Variants in MBOAT2 observed in about 807,000 individuals in gnomAD.
The protein encoded by MBOAT2 is membrane-bound glycerophospholipid O-acyltransferase 2.
MBOAT2 carries 28 observed loss-of-function variants against 63.4 expected under a neutral mutation model. The ratio of observed to expected loss-of-function variants is 0.44; its 90% CI spans 0.33 to 0.61. The LOEUF (loss-of-function observed/expected upper bound fraction) is 0.61, where lower values mean the gene tolerates loss of function less well. Among genes scored for constraint, MBOAT2 ranks in the 20% least tolerant of loss-of-function variants. The pLI is 0.03. For missense variants in MBOAT2, 470 were observed against 605.8 expected (o/e 0.78, Z 2.35); for synonymous variants, 211 against 215.6 (o/e 0.98, Z 0.19).
At chr2:8,937,067 C>T (rs1188353339) in intron 3 of MBOAT2, among the ~76,000 whole-genome samples, 1 of 152,184 alleles carries the variant, frequency 6.6e-6, no homozygotes, top group Non-Finnish European at 1.5e-5. Context: ...CCCTCATTTC[C>T]ACCCCTCTGC....
intron 7 of MBOAT2, among the ~76,000 whole-genome samples, chr2:8,875,919 T>C (rs1404299731): frequency 6.6e-6 from 1 of 152,238 alleles, no homozygotes; most frequent in Non-Finnish European, 1.5e-5. Context: ...AGAGGTAATA[T>C]ACTATCTTTT....
At chr2:8,926,378 C>T (rs550987695) in intron 3 of MBOAT2, among the ~76,000 whole-genome samples, 10 of 152,238 alleles carry the variant, frequency 6.6e-5, no homozygotes, top group Non-Finnish European at 1.2e-4. Flanking sequence ...AAGTAAAGTA[C>T]GACTCTAGGT....
rs979874093 is a variant in MBOAT2, at chr2:8,855,398, G to C, written c.*3281C>G. The C allele has an allele frequency of 6.6e-6, 1 of 152,206 alleles. No homozygotes were observed. The highest frequency in any genetic ancestry group is 2.4e-5 in the African/African-American group (1 of 41,444). The allele number at this position is 152,206 out of a possible 1,614,324, so 9.4% of individuals were successfully genotyped here. A position where few individuals can be genotyped will look rare whatever the true frequency, so the allele number is the denominator to read the frequency against. ...AAGATCCAGGTCTCCTCCTAGGTCA[G>C]CTAGTGCTTAAATGTGAGTTACTGT... On this transcript the variant is annotated 3_prime_UTR_variant, in exon 13 of 13. Coordinates refer to ENST00000305997, the MANE Select transcript of MBOAT2 (RefSeq NM_138799.4).
At chr2:8,940,510 C>T (rs1236637568) in intron 3 of MBOAT2, among the ~76,000 whole-genome samples, 1 of 152,194 alleles carries the variant, frequency 6.6e-6, no homozygotes, top group African/African-American at 2.4e-5. Context: ...CCAGGCTGGT[C>T]TCAAACTCCT....
At chr2:8,983,161 C>G (rs1206626809) in intron 1 of MBOAT2, among the ~76,000 whole-genome samples, 1 of 152,044 alleles carries the variant, frequency 6.6e-6, no homozygotes. Context: ...GAGCTTGATC[C>G]AAATTATATG....
chr2:8,929,526 T>C (rs1667171596), intron 3 of MBOAT2, among the ~76,000 whole-genome samples: 1 of 152,240 alleles, frequency 6.6e-6, no homozygotes, highest in African/African-American at 2.4e-5. Context: ...TAATCTTTTG[T>C]ATTTTTTGTA....
At chr2:8,929,677 T>TTAA (rs1667184182) in intron 3 of MBOAT2, among the ~76,000 whole-genome samples, 1 of 152,186 alleles carries the variant, frequency 6.6e-6, no homozygotes, top group African/African-American at 2.4e-5. Context: ...ATAGGAGGCA[T>TTAA]CAAACATATG....
intron 1 of MBOAT2, among the ~76,000 whole-genome samples, chr2:8,960,134 G>C (rs1669507747): frequency 6.6e-6 from 1 of 152,072 alleles, no homozygotes; most frequent in Non-Finnish European, 1.5e-5. Context: ...CCTTCTAAAG[G>C]GTTCTAATGG....
intron 3 of MBOAT2, among the ~76,000 whole-genome samples, chr2:8,931,422 A>G (rs1034878143): frequency 1.3e-5 from 2 of 151,976 alleles, no homozygotes; most frequent in African/African-American, 4.8e-5. Flanking sequence ...TCCTTTGCCC[A>G]CTTTTTGATG....
At chr2:8,898,594 A>T (rs1311235081) in intron 4 of MBOAT2, among the ~76,000 whole-genome samples, 1 of 152,046 alleles carries the variant, frequency 6.6e-6, no homozygotes, top group Non-Finnish European at 1.5e-5. Flanking sequence ...GGTGGCCAAA[A>T]GTAAATCATC....
chr2:8,873,476 G>A (rs987917389), intron 7 of MBOAT2, among the ~76,000 whole-genome samples, 176 bp from the exon 8 acceptor site: 30 of 152,088 alleles, frequency 2.0e-4, no homozygotes, highest in African/African-American at 5.3e-4. Context: ...CTCATGGTAT[G>A]AACTTTTCCA....
intron 4 of MBOAT2, among the ~76,000 whole-genome samples, chr2:8,906,969 C>T (rs571961204): frequency 1.9e-4 from 29 of 152,276 alleles, no homozygotes; most frequent in Admixed American, 9.8e-4. Flanking sequence ...TGAGCTCCTC[C>T]GACACCTGCA....
chr2:8,883,473 C>T (rs1457559969), intron 5 of MBOAT2, among the ~76,000 whole-genome samples: 2 of 152,076 alleles, frequency 1.3e-5, no homozygotes, highest in Non-Finnish European at 2.9e-5. Flanking sequence ...GTAAAACACA[C>T]ATTTTATGTA....
At chr2:8,881,041 G>A (rs1174994988) in intron 6 of MBOAT2, among the ~76,000 whole-genome samples, 1 of 152,210 alleles carries the variant, frequency 6.6e-6, no homozygotes, top group Non-Finnish European at 1.5e-5. Context: ...TTCTGTTCAG[G>A]TGGTGGGGAT....
At chr2:8,988,962 T>C (rs1671747172) in intron 1 of MBOAT2, among the ~76,000 whole-genome samples, 1 of 152,204 alleles carries the variant, frequency 6.6e-6, no homozygotes, top group Admixed American at 6.5e-5. Flanking sequence ...TAATCAAACC[T>C]GAAATTAAGT....
chr2:8,918,121 C>T (rs1334308933), intron 3 of MBOAT2, among the ~76,000 whole-genome samples: 1 of 152,182 alleles, frequency 6.6e-6, no homozygotes, highest in Non-Finnish European at 1.5e-5. Context: ...GTGAAATGTG[C>T]TATATCTAGA....
chr2:8,864,157 T>C lies in MBOAT2; in HGVS notation c.1052+13A>G. On this transcript the variant is annotated intron_variant, in intron 10 of 12. Coordinates refer to ENST00000305997, the MANE Select transcript of MBOAT2 (RefSeq NM_138799.4). ...CCAAAGCACATCTAAAGATCGTTTT[T>C]GAAGGAACGCACCTTTTGAGCCAAA... The C allele has an allele frequency of 6.4e-7, 1 of 1,565,394 alleles. No homozygotes were observed. Among genetic ancestry groups the C allele is most frequent in the Non-Finnish European group, 8.6e-7 (1 of 1,159,654 alleles).
intron 1 of MBOAT2, among the ~76,000 whole-genome samples, chr2:8,986,901 C>T (rs1052634271): frequency 9.9e-5 from 15 of 152,194 alleles, no homozygotes; most frequent in African/African-American, 3.6e-4. Flanking sequence ...CAGAACCCAA[C>T]CATGCTGGCA....
chr2:8,952,072 C>T (rs1668875126), intron 2 of MBOAT2, among the ~76,000 whole-genome samples: 1 of 152,166 alleles, frequency 6.6e-6, no homozygotes, highest in African/African-American at 2.4e-5. Flanking sequence ...TGTATACTTT[C>T]CTCTTAACAC....
Sources: gnomAD v4.1 joint callset for allele counts (sites outside exome capture counted in the v4.1 genomes callset) on GRCh38, gnomAD v4.1.1 for gene constraint, MANE v1.5 for transcripts, NCBI Gene and HGNC (gene_info 2026-07-23, HGNC 2026-07-21) for gene names.